The following MICAL3 variants were observed in gnomAD, a reference collection of about 807,000 sequenced individuals.
MICAL3 encodes the protein microtubule associated monooxygenase, calponin and LIM domain containing 3.
In MICAL3, 62 loss-of-function variants were observed where a neutral mutation model predicts 207.4. The observed-to-expected ratio is 0.30, with a 90% CI of 0.24 to 0.37. MICAL3 has a LOEUF of 0.37. Among genes scored for constraint, MICAL3 ranks in the 10% least tolerant of loss-of-function variants. MICAL3 has a pLI of 1.00. For synonymous variants in MICAL3, 1,077 were observed against 1,069.3 expected, an observed-to-expected ratio of 1.01 and a Z score of -0.14; for missense variants, 2,368 against 2,635.6, an observed-to-expected ratio of 0.90 and a Z score of 2.22.
At chr22:17,845,492 T>C (rs1924536108) in intron 19 of MICAL3, among the ~76,000 whole-genome samples, 1 of 152,036 alleles carries the variant, frequency 6.6e-6, no homozygotes, top group Non-Finnish European at 1.5e-5. Flanking sequence ...GAGCCACGTA[T>C]GCACTCATGG....
chr22:17,999,033 C>G (rs151054758), intron 1 of MICAL3, among the ~76,000 whole-genome samples: 4 of 152,328 alleles, frequency 2.6e-5, no homozygotes, highest in Non-Finnish European at 5.9e-5. Context: ...TTCAGAGGCA[C>G]GGCCCAGCAA....
In MICAL3 at chr22:17,906,861, G is replaced by A; in HGVS notation, c.-49C>T. ...CAGAGGGGGAGGTGGGATGGCTGTG[G>A]GTCCACCTGACACTGTCACGTTAAT... On this transcript the variant is annotated 5_prime_UTR_variant, in exon 2 of 32. Coordinates refer to ENST00000441493, the MANE Select transcript of MICAL3 (RefSeq NM_015241.3). 1 of 1,508,378 alleles carries A rather than the reference G, an allele frequency of 6.6e-7. No individual in the cohort carries two copies. The highest frequency in any genetic ancestry group is 8.9e-7 in the Non-Finnish European group (1 of 1,121,934). 93.4% of individuals were successfully genotyped at this position (1,508,378 alleles called of 1,614,324 possible). A position where few individuals can be genotyped will look rare whatever the true frequency, so the allele number is the denominator to read the frequency against.
chr22:17,968,245 G>A (rs1246005167), intron 1 of MICAL3, among the ~76,000 whole-genome samples: 2 of 152,096 alleles, frequency 1.3e-5, no homozygotes, highest in African/African-American at 2.4e-5. Context: ...ATCAGATAGC[G>A]TGCCCAGTGC....
At chr22:17,969,610 G>A (rs971531089) in intron 1 of MICAL3, among the ~76,000 whole-genome samples, 19 of 152,030 alleles carry the variant, frequency 1.2e-4, no homozygotes, top group Non-Finnish European at 2.5e-4. Flanking sequence ...GGCAACATGG[G>A]CCCTTGATCT....
At chr22:17,986,461 A>G (rs1921022148) in intron 1 of MICAL3, among the ~76,000 whole-genome samples, 1 of 151,898 alleles carries the variant, frequency 6.6e-6, no homozygotes, top group Non-Finnish European at 1.5e-5. Context: ...CAGAGGCTGC[A>G]GTGAGCCAAG....
chr22:18,013,480 T>A (rs2146507157), intron 1 of MICAL3, among the ~76,000 whole-genome samples: 1 of 152,326 alleles, frequency 6.6e-6, no homozygotes, highest in Middle Eastern at 3.4e-3. Flanking sequence ...AGTCAGAATC[T>A]GAACCCAAGT....
chr22:17,928,096 T>C (rs1190317314), intron 1 of MICAL3, among the ~76,000 whole-genome samples: 1 of 152,192 alleles, frequency 6.6e-6, no homozygotes, highest in African/African-American at 2.4e-5. Flanking sequence ...GTGGACACAT[T>C]CACCCACTGC....
intron 21 of MICAL3, among the ~76,000 whole-genome samples, chr22:17,828,868 C>T (rs2049936463): frequency 6.6e-6 from 1 of 152,198 alleles, no homozygotes; most frequent in African/African-American, 2.4e-5. Context: ...GGGTGACATG[C>T]CTCCTCTGAG....
intron 29 of MICAL3, among the ~76,000 whole-genome samples, chr22:17,794,871 C>T (rs569432036): frequency 6.6e-6 from 1 of 152,276 alleles, no homozygotes; most frequent in East Asian, 1.9e-4. Flanking sequence ...AACCACAGAG[C>T]ACACACAGGG....
chr22:17,930,542 G>A (rs181300686), intron 1 of MICAL3, among the ~76,000 whole-genome samples: 1 of 152,272 alleles, frequency 6.6e-6, no homozygotes, highest in Admixed American at 6.5e-5. Flanking sequence ...GGCAAGAGAG[G>A]GCAGACACAG....
chr22:17,900,763 C>T lies in MICAL3; in HGVS notation c.847+79G>A, dbSNP rs1931255407. 1.5e-6 allele frequency: 2 copies of T among 1,346,686 alleles called. No homozygotes were observed. The highest frequency in any genetic ancestry group is 1.8e-5 in the Admixed American group (1 of 54,424). 83.4% of individuals were successfully genotyped at this position (1,346,686 alleles called of 1,614,324 possible). ...CAGGAGGGACACCGACGGCCACTCA[C>T]CCCACCAATCCCCCAAGAAAAAGCC... On this transcript the variant is annotated intron_variant, in intron 6 of 31. Coordinates refer to ENST00000441493, the MANE Select transcript of MICAL3 (RefSeq NM_015241.3). This position sits in a 1 kb window ranked among gnomAD's most constrained non-coding sequence, Gnocchi z 4.0.
intron 22 of MICAL3, among the ~76,000 whole-genome samples, chr22:17,824,493 T>C (rs919533022): frequency 6.6e-6 from 1 of 152,266 alleles, no homozygotes; most frequent in Non-Finnish European, 1.5e-5. Context: ...GGCAGTTATA[T>C]GATTTTCTGT....
At chr22:17,995,308 C>T (rs1922147804) in intron 1 of MICAL3, among the ~76,000 whole-genome samples, 1 of 151,826 alleles carries the variant, frequency 6.6e-6, no homozygotes, top group South Asian at 2.1e-4. Flanking sequence ...TTCTGAGCAG[C>T]TGCGACTATA....
chr22:17,907,183 C>T (rs532547595), intron 1 of MICAL3, among the ~76,000 whole-genome samples: 21 of 151,604 alleles, frequency 1.4e-4, no homozygotes, highest in Admixed American at 1.3e-4. Context: ...ATCTCGGAAA[C>T]AGAGAAAGAG....
At chr22:17,988,435 G>T (rs1221458838) in intron 1 of MICAL3, among the ~76,000 whole-genome samples, 1 of 152,060 alleles carries the variant, frequency 6.6e-6, no homozygotes, top group Non-Finnish European at 1.5e-5. Context: ...CCAAAGAATG[G>T]TGTTTACATT....
At chr22:17,845,401 C>T (rs1924525623) in intron 19 of MICAL3, among the ~76,000 whole-genome samples, 1 of 152,168 alleles carries the variant, frequency 6.6e-6, no homozygotes, top group Admixed American at 6.5e-5. Flanking sequence ...GATTAAAACA[C>T]TCTCTACTCT....
intron 21 of MICAL3, 100 bp downstream of exon 21, chr22:17,831,754 C>T (rs942996906): frequency 1.1e-5 from 17 of 1,486,382 alleles, no homozygotes; most frequent in Non-Finnish European, 9.0e-6. Context: ...GCAGGAGGCA[C>T]GTCCGTGTGA....
At chr22:17,959,297 G>A (rs141369450) in intron 1 of MICAL3, among the ~76,000 whole-genome samples, 1 of 151,258 alleles carries the variant, frequency 6.6e-6, no homozygotes, top group East Asian at 1.9e-4. Context: ...TTACAGGTGT[G>A]AGCCACCGTG....
intron 17 of MICAL3, among the ~76,000 whole-genome samples, chr22:17,866,620 GAATAGAATAGAATA>G (rs1927158745): frequency 2.2e-5 from 3 of 135,838 alleles, no homozygotes; most frequent in African/African-American, 8.5e-5. Context: ...GAACAGAATA[GAATAGAATAGAATA>G]GAATAGAATA....
Sources: allele counts gnomAD v4.1 joint callset (sites outside exome capture counted in the v4.1 genomes callset), GRCh38; gene constraint gnomAD v4.1.1; non-coding constraint Gnocchi (gnomAD v3.1); transcripts MANE v1.5; gene names NCBI Gene and HGNC (gene_info 2026-07-23, HGNC 2026-07-21).